Variants in C1orf116 observed in about 807,000 individuals in gnomAD.
C1orf116 encodes the protein chromosome 1 open reading frame 116.
Under a neutral mutation model 14.1 loss-of-function variants are expected in C1orf116, and 12 were observed. That is an observed-to-expected ratio of 0.85 (90% CI 0.54 to 1.38). The LOEUF (loss-of-function observed/expected upper bound fraction) is 1.38. C1orf116 is among the 40% of genes most tolerant of loss of function. C1orf116 has a pLI of 0.00. For synonymous variants in C1orf116, 296 were observed against 299.0 expected (o/e 0.99, Z 0.10); for missense variants, 797 against 747.0 (o/e 1.07, Z -0.78).
At chr1:207,031,229 T>C (rs2842730) in intron 1 of C1orf116, among the ~76,000 whole-genome samples, 17,095 of 152,256 alleles carry the variant, frequency 0.11, 3,142 homozygotes, top group African/African-American at 0.38. Context: ...TTTGCATATC[T>C]GTCTCCATGA....
rs192153295 is a variant in C1orf116, at chr1:207,027,955, C to G, written c.-81-276G>C. 2.0e-5 allele frequency among the ~76,000 whole-genome samples: 3 copies of G among 152,318 alleles called. No homozygotes were observed. The East Asian group carries it at 5.8e-4, about 29-fold the overall frequency. On this transcript the variant is annotated intron_variant, in intron 1 of 3. Coordinates refer to ENST00000359470, the MANE Select transcript of C1orf116 (RefSeq NM_023938.6). ...TTTTCTCTGAACCAAGGAGCTTAATCTACATTTTCATTACTATAAGCAATA... is the reference window on the plus strand; with the variant it reads ...TTTTCTCTGAACCAAGGAGCTTAATGTACATTTTCATTACTATAAGCAATA...
Position 207,019,327 on chromosome 1 carries a change from C to A in C1orf116, c.*2631G>T, listed in dbSNP as rs1322217493. Reference sequence around the variant, plus strand: ...TCCTGTATTTGGCAGGTGGCTTGTGCCCAGTGGCATCAAGGCTATGGCAGG... The same window carrying A: ...TCCTGTATTTGGCAGGTGGCTTGTGACCAGTGGCATCAAGGCTATGGCAGG... On this transcript the variant is annotated 3_prime_UTR_variant, in exon 4 of 4. Coordinates refer to ENST00000359470, the MANE Select transcript of C1orf116 (RefSeq NM_023938.6). 1 of 152,246 alleles carries A rather than the reference C, an allele frequency of 6.6e-6. No individual in the cohort carries two copies. Among genetic ancestry groups the A allele is most frequent in the African/African-American group, 2.4e-5 (1 of 41,458 alleles). The allele number at this position is 152,246 out of a possible 1,614,324, so 9.4% of individuals were successfully genotyped here.
At chr1:207,029,021 C>T (rs943475928) in intron 1 of C1orf116, among the ~76,000 whole-genome samples, 1 of 152,158 alleles carries the variant, frequency 6.6e-6, no homozygotes, top group African/African-American at 2.4e-5. Flanking sequence ...CTTTGGATGC[C>T]AGGGCAGATG....
rs1205481829 is a variant in C1orf116 at position 207,022,380 on chromosome 1, A to C, written c.1384T>G (p.Ser462Ala). 1 of 1,614,038 alleles carries C rather than the reference A, an allele frequency of 6.2e-7. No individual in the cohort carries two copies. The change falls in exon 4 of 4, where the codon TCA becomes GCA. Residue 462 changes from serine (S) to alanine (A), a missense_variant. By Grantham distance (99) the Ser-to-Ala change is moderately conservative. Coordinates refer to ENST00000359470, the MANE Select transcript of C1orf116 (RefSeq NM_023938.6). ...NSALTPPKPE[S>A]GLTLQESNTP... ...TTGCTCTCCTGGAGAGTCAGCCCTG[A>C]CTCTGGCTTCGGTGGAGTCAGGGCA...
At position 207,018,779 on chromosome 1, in the gene C1orf116, G is replaced by T. The variant is rs1681735713; in HGVS notation, c.*3179C>A. 1.3e-5 allele frequency: 2 copies of T among 152,200 alleles called. No homozygotes were observed. Among genetic ancestry groups the T allele is most frequent in the South Asian group, 4.1e-4 (2 of 4,832 alleles). The allele number at this position is 152,200 out of a possible 1,614,324, so 9.4% of individuals were successfully genotyped here. ...AAAAGAGCCTAGATGTGTTCTATCT[G>T]CATTCCTGCTTAGATTCTGCATGAC... On this transcript the variant is annotated 3_prime_UTR_variant, in exon 4 of 4. Transcript: ENST00000359470.
chr1:207,028,019 T>C (rs986862069), intron 1 of C1orf116, among the ~76,000 whole-genome samples: 1 of 152,228 alleles, frequency 6.6e-6, no homozygotes, highest in African/African-American at 2.4e-5. Flanking sequence ...CTGGAGTTAG[T>C]TGGGTCTGGG....
chr1:207,032,441 A>C, intron 1 of C1orf116, 138 bp downstream of exon 1: 2 of 513,964 alleles, frequency 3.9e-6, no homozygotes, highest in Non-Finnish European at 5.0e-6. Context: ...GAATGGACTC[A>C]GAGAATTGAG....
chr1:207,030,841 A>T (rs1682222352), intron 1 of C1orf116, among the ~76,000 whole-genome samples: 1 of 152,210 alleles, frequency 6.6e-6, no homozygotes, highest in African/African-American at 2.4e-5. Flanking sequence ...CAGCACCTAT[A>T]GTCAGGGCCA....
Position 207,019,446 on chromosome 1 carries a change from C to T in C1orf116, c.*2512G>A, listed in dbSNP as rs1681763747. The T allele has an allele frequency of 3.3e-5, 5 of 152,082 alleles. No individual in the cohort carries two copies. Among genetic ancestry groups the T allele is most frequent in the Admixed American group, 2.6e-4 (4 of 15,264 alleles). The allele number at this position is 152,082 out of a possible 1,614,324, so 9.4% of individuals were successfully genotyped here. Reference sequence around the variant, plus strand: ...CCTTTACAAACTTCCACCCACAATTCTTTGAAAAGGGATGAGTAACTCTGA... The same window carrying T: ...CCTTTACAAACTTCCACCCACAATTTTTTGAAAAGGGATGAGTAACTCTGA... On this transcript the variant is annotated 3_prime_UTR_variant, in exon 4 of 4. Transcript: ENST00000359470.
chr1:207,019,175 T>C lies in C1orf116; in HGVS notation c.*2783A>G. The C allele has an allele frequency of 6.6e-6, 1 of 152,288 alleles. No individual in the cohort carries two copies. The allele number at this position is 152,288 out of a possible 1,614,324, so 9.4% of individuals were successfully genotyped here. ...GTTGACCTCTGTGTGAGATGGCACG[T>C]GGTCCTACCCTGCAGAGTCAGAGCA... On this transcript the variant is annotated 3_prime_UTR_variant, in exon 4 of 4. Transcript: ENST00000359470.
rs534362335 is a variant in C1orf116, at chr1:207,028,899, A to T, written c.-81-1220T>A. Reference sequence around the variant, plus strand: ...ATAAAGTTTGTCTGATTCTAAATCCATATTTTCCTTATAATGCCATCCTAT... The same window carrying T: ...ATAAAGTTTGTCTGATTCTAAATCCTTATTTTCCTTATAATGCCATCCTAT... On this transcript the variant is annotated intron_variant, in intron 1 of 3. Transcript: ENST00000359470. Among the ~76,000 whole-genome samples the T allele has an allele frequency of 3.3e-5, 5 of 152,378 alleles. No individual in the cohort carries two copies. In the South Asian group the frequency reaches 1.0e-3, roughly 32 times the overall value.
rs925445097 is a variant in C1orf116 at position 207,019,507 on chromosome 1, G to C, written c.*2451C>G. The C allele has an allele frequency of 6.6e-6, 1 of 152,202 alleles. No individual in the cohort carries two copies. The highest frequency in any genetic ancestry group is 2.4e-5 in the African/African-American group (1 of 41,446). 9.4% of individuals were successfully genotyped at this position (152,202 alleles called of 1,614,324 possible). ...ACCTCCCTCCCCATCAATTCAAGCTGAATTAAGAGAAATCCTATGTGGATA... is the reference window on the plus strand; with the variant it reads ...ACCTCCCTCCCCATCAATTCAAGCTCAATTAAGAGAAATCCTATGTGGATA... On this transcript the variant is annotated 3_prime_UTR_variant, in exon 4 of 4. Transcript: ENST00000359470.
chr1:207,022,950 T>G lies in C1orf116; in HGVS notation c.814A>C (p.Asn272His). ...PQPPPAGLPQNARAEDAPLSS... is the reference protein window; with the variant it reads ...PQPPPAGLPQHARAEDAPLSS... ...AGGGGAGCATCTTCAGCTCTTGCAT[T>G]CTGAGGCAACCCTGCAGGAGGAGGC... The change falls in exon 4 of 4, where the codon AAT (asparagine) becomes CAT (histidine). Residue 272 changes from asparagine to histidine, a missense_variant. Asn to His is a moderately conservative substitution (Grantham distance 68). Transcript: ENST00000359470. 1 of 1,614,096 alleles carries G rather than the reference T, an allele frequency of 6.2e-7. No individual in the cohort carries two copies. The highest frequency in any genetic ancestry group is 8.5e-7 in the Non-Finnish European group (1 of 1,180,020).
intron 1 of C1orf116, among the ~76,000 whole-genome samples, chr1:207,029,997 G>A (rs1360151456): frequency 1.3e-5 from 2 of 152,124 alleles, no homozygotes; most frequent in Non-Finnish European, 2.9e-5. Context: ...ACTTTACAGA[G>A]GTTTTCTAGT....
rs1366473202 is a variant in C1orf116 at position 207,023,213 on chromosome 1, G to A, written c.551C>T (p.Ala184Val). ...SQSSQPRQAP[A>V]SPQEAALDLD... ...GTCAAGGGCAGCCTCCTGGGGGCTG[G>A]CAGGTGCCTGCCTGGGTTGGCTGCT... The change falls in exon 4 of 4, where the codon GCC (alanine) becomes GTC (valine). Residue 184 changes from alanine to valine, a missense_variant. Physicochemically the swap from Ala to Val is moderately conservative, Grantham distance 64 (BLOSUM62 0). Transcript: ENST00000359470. The A allele has an allele frequency of 6.2e-7, 1 of 1,609,486 alleles. No individual in the cohort carries two copies. The highest frequency in any genetic ancestry group is 1.3e-5 in the African/African-American group (1 of 74,774).
chr1:207,031,332 C>G (rs1682239036), intron 1 of C1orf116, among the ~76,000 whole-genome samples: 1 of 152,214 alleles, frequency 6.6e-6, no homozygotes. Context: ...GAAATACCCT[C>G]TGCATAGCAG....
rs1384874062 is a variant in C1orf116, at chr1:207,022,941, C to T, written c.823G>A (p.Ala275Thr). The stretch of plus-strand genomic sequence containing the variant: ...CCTGATGAGAGGGGAGCATCTTCAG[C>T]TCTTGCATTCTGAGGCAACCCTGCA... ...PPAGLPQNAR[A>T]EDAPLSSGED... Residue 275 changes from alanine to threonine, a missense_variant, in exon 4 of 4, where the codon GCT (alanine) becomes ACT (threonine). Physicochemically the swap from Ala to Thr is moderately conservative, Grantham distance 58. Transcript: ENST00000359470. 3.1e-6 allele frequency: 5 copies of T among 1,614,000 alleles called. No homozygotes were observed. In the East Asian group the frequency reaches 1.1e-4, roughly 36 times the overall value.
chr1:207,032,734 T>G lies in C1orf116; in HGVS notation c.-237A>C, dbSNP rs909601750. 5 of 985,256 alleles carry G rather than the reference T, an allele frequency of 5.1e-6. No individual in the cohort carries two copies. Among genetic ancestry groups the G allele is most frequent in the Non-Finnish European group, 6.0e-6 (5 of 829,984 alleles). 61.0% of individuals were successfully genotyped at this position (985,256 alleles called of 1,614,324 possible). ...AGATAGGTAAATGCTTCATCTGTGC[T>G]GCCTGGCCCCCACCCTGCCACTGAC... On this transcript the variant is annotated 5_prime_UTR_variant, in exon 1 of 4. Transcript: ENST00000359470.
chr1:207,022,482 T>A lies in C1orf116; in HGVS notation c.1282A>T (p.Lys428Ter). Residue 428 changes from lysine (K) to a stop codon, truncating the protein, a stop_gained, in exon 4 of 4, where the codon AAG becomes TAG. Coordinates refer to ENST00000359470, the MANE Select transcript of C1orf116 (RefSeq NM_023938.6). LOFTEE classifies it low-confidence loss of function (END_TRUNC). ...GCAACATTGCCTGGAGCTGGAGACT[T>A]CATTGGCAAAGGTCCCTGAGCTGGA... Reference protein sequence around the residue: ...PGPAQGPLPMKSPAPGNVAAS... With the variant: ...PGPAQGPLPM 1 of 1,614,124 alleles carries A rather than the reference T, an allele frequency of 6.2e-7. No homozygotes were observed. The highest frequency in any genetic ancestry group is 8.5e-7 in the Non-Finnish European group (1 of 1,179,994).
Sources: allele counts gnomAD v4.1 joint callset (sites outside exome capture counted in the v4.1 genomes callset), GRCh38; gene constraint gnomAD v4.1.1; transcripts MANE v1.5; gene names NCBI Gene and HGNC (gene_info 2026-07-23, HGNC 2026-07-21).